The following CDC40 variants were observed in gnomAD, a reference collection of about 807,000 sequenced individuals.
The protein encoded by CDC40 is cell division cycle 40.
CDC40 carries 27 observed loss-of-function variants against 80.6 expected under a neutral mutation model. That is an observed-to-expected ratio of 0.33 (90% CI 0.25 to 0.46). CDC40 has a LOEUF of 0.46. CDC40 is among the 20% of genes least tolerant of loss of function. CDC40 has a pLI of 1.00. For synonymous variants in CDC40, 221 were observed against 232.6 expected, an observed-to-expected ratio of 0.95 and a Z score of 0.45; for missense variants, 486 against 694.1, an observed-to-expected ratio of 0.70 and a Z score of 3.37.
At chr6:110,192,587 A>G (rs1777366159) in intron 1 of CDC40, among the ~76,000 whole-genome samples, 1 of 152,228 alleles carries the variant, frequency 6.6e-6, no homozygotes, top group African/African-American at 2.4e-5. Context: ...AAAGATACCA[A>G]TTTGAGAATT....
At chr6:110,193,375 A>T in intron 2 of CDC40, 107 bp downstream of exon 2, 1 of 654,656 alleles carries the variant, frequency 1.5e-6, no homozygotes, top group Non-Finnish European at 2.7e-6. Flanking sequence ...TAAGCATACT[A>T]TTTAAGTTTT....
chr6:110,228,390 T>C (rs1011477675), intron 13 of CDC40, among the ~76,000 whole-genome samples: 2 of 152,142 alleles, frequency 1.3e-5, no homozygotes, highest in African/African-American at 4.8e-5. Flanking sequence ...TTTTTTTGTA[T>C]AGTTTTATTT....
chr6:110,228,208 C>G (rs1023592614), intron 13 of CDC40, among the ~76,000 whole-genome samples: 1 of 152,130 alleles, frequency 6.6e-6, no homozygotes, highest in Admixed American at 6.6e-5. Context: ...TAAAATTTAG[C>G]ACTATAATCT....
intron 12 of CDC40, chr6:110,224,260 T>G (rs1463461095): frequency 2.0e-5 from 3 of 152,234 alleles, no homozygotes; most frequent in African/African-American, 7.2e-5. Flanking sequence ...CTTTAAAAAT[T>G]CAGACTTTTA....
chr6:110,204,297 C>T (rs1037534333), intron 3 of CDC40, among the ~76,000 whole-genome samples: 7 of 152,180 alleles, frequency 4.6e-5, no homozygotes, highest in African/African-American at 1.7e-4. Context: ...CAGGCATGAG[C>T]CACCGTGCCC....
chr6:110,181,188 G>T (rs1054167727), intron 1 of CDC40, among the ~76,000 whole-genome samples: 2 of 152,194 alleles, frequency 1.3e-5, no homozygotes, highest in Admixed American at 1.3e-4. Context: ...GCCAACTAGT[G>T]AGAGTGCAGT....
intron 13 of CDC40, among the ~76,000 whole-genome samples, chr6:110,227,746 C>T (rs1777884495): frequency 6.6e-6 from 1 of 152,110 alleles, no homozygotes; most frequent in Non-Finnish European, 1.5e-5. Flanking sequence ...ATTTACGTTG[C>T]ATTAGGCATT....
chr6:110,207,559 G>A lies in CDC40; in HGVS notation c.460G>A (p.Gly154Ser). Residue 154 changes from glycine (G) to serine (S), a missense_variant, in exon 4 of 15, where the codon GGT becomes AGT. Around this residue, in one of 3 missense-constraint regions of CDC40, gnomAD observed 381 missense variants for 492.1 expected, o/e 0.77. Transcript: ENST00000307731. ...TCATCAAGTGTCTGCTAAATATATTGGTTCTGTAGAAGAAGCTGAAAAAAA... is the reference window on the plus strand; with the variant it reads ...TCATCAAGTGTCTGCTAAATATATTAGTTCTGTAGAAGAAGCTGAAAAAAA... ...DNHQVSAKYI[G>S]SVEEAEKNQG... is the part of the protein sequence containing the mutation. 1 of 1,598,616 alleles carries A rather than the reference G, an allele frequency of 6.3e-7. No individual in the cohort carries two copies. Among genetic ancestry groups the A allele is most frequent in the Non-Finnish European group, 8.6e-7 (1 of 1,166,494 alleles).
chr6:110,202,414 A>G (rs1777505030), intron 3 of CDC40, among the ~76,000 whole-genome samples: 1 of 152,180 alleles, frequency 6.6e-6, no homozygotes. Flanking sequence ...GTAAATCTAA[A>G]GTAATGTGCA....
rs1777922009 is a variant in CDC40 at position 110,230,470 on chromosome 6, TA to T, written c.*341del. ...ATTTGGGATTCTAGAGGAGGTGTTA[TA>T]ATTAATTATTCAGAAAAATGCATGT... is the stretch of plus-strand genomic sequence containing the variant. On this transcript the variant is annotated 3_prime_UTR_variant, in exon 15 of 15. Transcript: ENST00000307731. 5.2e-6 allele frequency: 1 copy of T among 191,322 alleles called. No individual in the cohort carries two copies. The highest frequency in any genetic ancestry group is 1.1e-5 in the Non-Finnish European group (1 of 94,944). 11.9% of individuals were successfully genotyped at this position (191,322 alleles called of 1,614,324 possible).
intron 13 of CDC40, among the ~76,000 whole-genome samples, chr6:110,226,889 G>A (rs566206346): frequency 5.4e-4 from 82 of 152,180 alleles, no homozygotes; most frequent in African/African-American, 1.9e-3. Flanking sequence ...GCATGGTGGT[G>A]CACATTTGTA....
At chr6:110,220,622 T>A (rs1322217222) in intron 12 of CDC40, among the ~76,000 whole-genome samples, 1 of 151,422 alleles carries the variant, frequency 6.6e-6, no homozygotes, top group Non-Finnish European at 1.5e-5. Flanking sequence ...TTTTTTGTAT[T>A]TTTTAGTAGA....
At chr6:110,212,955 C>A in intron 7 of CDC40, 131 bp from the exon 8 acceptor site, 1 of 702,452 alleles carries the variant, frequency 1.4e-6, no homozygotes, top group Non-Finnish European at 2.6e-6. Context: ...GAAAGTTATT[C>A]TGGGGTGAGA....
At chr6:110,229,816 A>G (rs777439023) in intron 14 of CDC40, 138 bp from the exon 15 acceptor site, 13 of 583,176 alleles carry the variant, frequency 2.2e-5, no homozygotes, top group Admixed American at 3.1e-5. Flanking sequence ...ATGTTCTACC[A>G]TCTTATTCTG....
rs201262399 is a variant in CDC40, at chr6:110,194,058, A to AT, written c.276+799dup. Among the ~76,000 whole-genome samples, 347 of 151,724 alleles carry AT rather than the reference A, an allele frequency of 2.3e-3. 2 individuals carry two copies. The highest frequency in any genetic ancestry group is 0.015 in the East Asian group (79 of 5,160). On this transcript the variant is annotated intron_variant, in intron 2 of 14. Coordinates refer to ENST00000307731, the MANE Select transcript of CDC40 (RefSeq NM_015891.3). ...TGCTCTGAATAAAACAAAGTACTGG[A>AT]TTTTTTTTTCTGTCTCCTGATGAAA...
intron 2 of CDC40, among the ~76,000 whole-genome samples, chr6:110,199,707 T>G (rs1437659828): frequency 8.5e-5 from 13 of 152,240 alleles, no homozygotes; most frequent in Non-Finnish European, 1.9e-4. Flanking sequence ...TAGTCTCCTT[T>G]TTTTAAATGG....
chr6:110,197,419 A>C (rs1037765597), intron 2 of CDC40, among the ~76,000 whole-genome samples: 3 of 152,222 alleles, frequency 2.0e-5, no homozygotes, highest in African/African-American at 7.2e-5. Context: ...TACTTCATGT[A>C]CTGATCATTT....
chr6:110,202,916 C>T (rs1777511778), intron 3 of CDC40, among the ~76,000 whole-genome samples: 1 of 151,888 alleles, frequency 6.6e-6, no homozygotes, highest in Admixed American at 6.6e-5. Context: ...AGCTAGGACA[C>T]AGGTTGAACT....
At chr6:110,184,792 T>G (rs1055450770) in intron 1 of CDC40, among the ~76,000 whole-genome samples, 7 of 152,180 alleles carry the variant, frequency 4.6e-5, no homozygotes, top group African/African-American at 1.7e-4. Context: ...AAAGAGTCAC[T>G]TCATCATGAT....
Sources: gnomAD v4.1 joint callset for allele counts (sites outside exome capture counted in the v4.1 genomes callset) on GRCh38, gnomAD v4.1.1 for gene constraint, gnomAD v4.1.1 regional missense constraint, MANE v1.5 for transcripts, NCBI Gene and HGNC (gene_info 2026-07-23, HGNC 2026-07-21) for gene names.